Variants in SYDE2 observed in about 807,000 individuals in gnomAD.
SYDE2 encodes synapse defective Rho GTPase homolog 2, also known as rho GTPase-activating protein SYDE2.
Under a neutral mutation model 91.5 loss-of-function variants are expected in SYDE2, and 76 were observed. The ratio of observed to expected loss-of-function variants is 0.83; its 90% CI spans 0.69 to 1.01. SYDE2 has a LOEUF of 1.01. Ranked by LOEUF, SYDE2 falls within the 50% of genes least tolerant of loss-of-function variation. The pLI is 0.00. For synonymous variants in SYDE2, 513 were observed against 506.4 expected, an observed-to-expected ratio of 1.01 and a Z score of -0.18; for missense variants, 1,364 against 1,367.7, an observed-to-expected ratio of 1.00 and a Z score of 0.04.
At chr1:85,162,489 C>A (rs186870030) in intron 6 of SYDE2, among the ~76,000 whole-genome samples, 1 of 152,198 alleles carries the variant, frequency 6.6e-6, no homozygotes, top group Admixed American at 6.5e-5. Flanking sequence ...CAACTTTCTG[C>A]CCTGTTTTTT....
chr1:85,154,514 G>A, downstream of SYDE2, among the ~76,000 whole-genome samples: 1 of 145,922 alleles, frequency 6.9e-6, no homozygotes, highest in Non-Finnish European at 1.5e-5. Flanking sequence ...AGTACTAATC[G>A]TTAACAGGAC....
At chr1:85,194,121 C>T (rs1464885982) in intron 1 of SYDE2, among the ~76,000 whole-genome samples, 1 of 151,534 alleles carries the variant, frequency 6.6e-6, no homozygotes, top group East Asian at 1.9e-4. Flanking sequence ...AATTAATCAA[C>T]ACATTATTCA....
chr1:85,183,938 T>C (rs531987958), intron 2 of SYDE2, among the ~76,000 whole-genome samples: 2 of 152,256 alleles, frequency 1.3e-5, no homozygotes, highest in South Asian at 4.1e-4. Context: ...CTTAACTAAT[T>C]ATTAAAATGA....
chr1:85,172,509 G>C (rs897029500), intron 4 of SYDE2, among the ~76,000 whole-genome samples: 1 of 152,074 alleles, frequency 6.6e-6, no homozygotes, highest in Non-Finnish European at 1.5e-5. Flanking sequence ...AGTGTTTCTA[G>C]GCAAGATGGA....
At chr1:85,179,896 G>A (rs757073728) in intron 3 of SYDE2, among the ~76,000 whole-genome samples, 1 of 151,878 alleles carries the variant, frequency 6.6e-6, no homozygotes, top group Non-Finnish European at 1.5e-5. Context: ...ATAAATTAAT[G>A]GGATATTTTA....
chr1:85,190,845 A>T, intron 1 of SYDE2, 93 bp from the exon 2 acceptor site: 1 of 1,016,774 alleles, frequency 9.8e-7, no homozygotes, highest in Non-Finnish European at 1.4e-6. Context: ...AAATTTTTTT[A>T]AACAAAAAGT....
At chr1:85,186,290 T>G (rs1227730701) in intron 2 of SYDE2, among the ~76,000 whole-genome samples, 4 of 152,190 alleles carry the variant, frequency 2.6e-5, no homozygotes, top group Non-Finnish European at 2.9e-5. Flanking sequence ...GGCTTTGGTA[T>G]CAGGATGATG....
chr1:85,160,578 A>G (rs1310406051), intron 6 of SYDE2: 1 of 985,050 alleles, frequency 1.0e-6, no homozygotes, highest in Admixed American at 6.1e-5. Flanking sequence ...TGCAGAATGG[A>G]TAACTGATTT....
intron 6 of SYDE2, chr1:85,160,734 C>T (rs761778965): frequency 2.5e-4 from 250 of 985,202 alleles, no homozygotes; most frequent in South Asian, 5.6e-4. Flanking sequence ...CAACCAATTA[C>T]AATATTCTGC....
At chr1:85,156,268 T>C (rs1656879735), downstream of SYDE2, among the ~76,000 whole-genome samples, 2 of 151,862 alleles carry the variant, frequency 1.3e-5, no homozygotes, top group South Asian at 4.2e-4. Context: ...CATTAGGGGC[T>C]GGGCATAGTG....
downstream of SYDE2, chr1:85,152,758 C>T (rs1377959122): frequency 6.6e-6 from 1 of 152,006 alleles, no homozygotes; most frequent in Non-Finnish European, 1.5e-5. Context: ...AATGAATAAA[C>T]AAATAAATAA....
chr1:85,186,823 T>G (rs1315678228), intron 2 of SYDE2, among the ~76,000 whole-genome samples: 1 of 152,184 alleles, frequency 6.6e-6, no homozygotes, highest in Non-Finnish European at 1.5e-5. Flanking sequence ...TGTAGAAAGC[T>G]GAAACTGGAT....
intron 2 of SYDE2, among the ~76,000 whole-genome samples, chr1:85,186,496 T>C (rs11161541): frequency 0.021 from 3,175 of 152,076 alleles, 94 homozygotes; most frequent in African/African-American, 0.073. Flanking sequence ...ACTTTCTTCA[T>C]GGAATTGGAA....
intron 2 of SYDE2, among the ~76,000 whole-genome samples, chr1:85,188,433 G>A (rs1471268541): frequency 6.6e-6 from 1 of 152,140 alleles, no homozygotes; most frequent in African/African-American, 2.4e-5. Flanking sequence ...AGTACACATT[G>A]TTTTGGAACT....
downstream of SYDE2, among the ~76,000 whole-genome samples, chr1:85,155,292 A>G (rs1656855021): frequency 6.6e-6 from 1 of 152,176 alleles, no homozygotes; most frequent in African/African-American, 2.4e-5. Flanking sequence ...TGGTAATTCA[A>G]TAGTATGATT....
rs1230093832 is a variant in SYDE2 at position 85,200,729 on chromosome 1, G to A, written c.268C>T (p.Leu90Phe). 6.5e-7 allele frequency: 1 copy of A among 1,534,034 alleles called. No homozygotes were observed. The highest frequency in any genetic ancestry group is 8.7e-7 in the Non-Finnish European group (1 of 1,145,588). ...GGAGGCGGCTTGGCACCCACCCGGA[G>A]GCTCTCGAGGCTTCTGCTGCAGGAC... ...RPSCSRSLES[L>F]RVGAKPPPFQ... is the part of the protein sequence containing the mutation. Residue 90 changes from leucine to phenylalanine, a missense_variant, in exon 1 of 7, where the codon CTC becomes TTC. Physicochemically the swap from Leu to Phe is conservative, Grantham distance 22. Transcript: ENST00000341460.
intron 2 of SYDE2, among the ~76,000 whole-genome samples, chr1:85,188,610 G>A (rs2100683562): frequency 6.6e-6 from 1 of 152,310 alleles, no homozygotes; most frequent in Middle Eastern, 3.4e-3. Context: ...TATCAAGCCT[G>A]CTATCACTAC....
At chr1:85,166,797 C>G (rs528505511) in intron 5 of SYDE2, among the ~76,000 whole-genome samples, 3 of 152,120 alleles carry the variant, frequency 2.0e-5, no homozygotes, top group African/African-American at 7.2e-5. Flanking sequence ...CACACAGACA[C>G]AAACAACACA....
At position 85,190,041 on chromosome 1, in the gene SYDE2, A is replaced by G; in HGVS notation, c.1441+16T>C. ...AATGGAAGAAGAAAGAAAGACACAT[A>G]TATGATCATTTTTACCTGCAAAAGG... On this transcript the variant is annotated intron_variant, in intron 2 of 6. Coordinates refer to ENST00000341460, the MANE Select transcript of SYDE2 (RefSeq NM_032184.2). The G allele has an allele frequency of 6.4e-7, 1 of 1,558,420 alleles. No individual in the cohort carries two copies. Among genetic ancestry groups the G allele is most frequent in the East Asian group, 2.3e-5 (1 of 44,332 alleles).
Sources: allele counts gnomAD v4.1 joint callset (sites outside exome capture counted in the v4.1 genomes callset), GRCh38; gene constraint gnomAD v4.1.1; transcripts MANE v1.5; gene names NCBI Gene and HGNC (gene_info 2026-07-23, HGNC 2026-07-21).